The following UNC5A variants were observed in gnomAD, a reference collection of about 807,000 sequenced individuals.
UNC5A encodes the protein netrin receptor UNC5A.
A neutral mutation model predicts 87.4 loss-of-function variants in UNC5A; 20 were observed. The observed-to-expected ratio is 0.23, with a 90% CI of 0.16 to 0.33. The LOEUF (loss-of-function observed/expected upper bound fraction) is 0.33. Among genes scored for constraint, UNC5A ranks in the 10% least tolerant of loss-of-function variants. UNC5A has a pLI of 1.00. For missense variants in UNC5A, 844 were observed against 1,133.4 expected (o/e 0.74, Z 3.67); for synonymous variants, 438 against 482.3 (o/e 0.91, Z 1.20).
In UNC5A at chr5:176,868,955, A is replaced by G. The variant is rs1471682310; in HGVS notation, c.712A>G (p.Ile238Val). Residue 238 changes from isoleucine to valine, a missense_variant, in exon 5 of 15, where the codon ATC becomes GTC. Physicochemically the swap from Ile to Val is conservative, Grantham distance 29 (BLOSUM62 3). This residue lies in a region of UNC5A where 314 missense variants were observed against 466.5 expected (regional missense o/e 0.67). Transcript: ENST00000329542. Reference protein sequence around the residue: ...ARRRSASAAVIVYVDGSWSPW... With the variant: ...ARRRSASAAVVVYVDGSWSPW... The stretch of plus-strand genomic sequence containing the variant: ...TCGCCGCAGCGCCTCCGCTGCTGTC[A>G]TCGTCTACGGTGGGCCCCGGGACTC... 6.2e-6 allele frequency: 10 copies of G among 1,604,104 alleles called. No homozygotes were observed. Among genetic ancestry groups the G allele is most frequent in the African/African-American group, 1.3e-5 (1 of 74,902 alleles).
At chr5:176,840,600 C>T (rs1757252131) in intron 1 of UNC5A, among the ~76,000 whole-genome samples, 1 of 152,200 alleles carries the variant, frequency 6.6e-6, no homozygotes, top group Non-Finnish European at 1.5e-5. Flanking sequence ...TGGCAGAGGG[C>T]TCATGTGAGG....
intron 1 of UNC5A, among the ~76,000 whole-genome samples, chr5:176,843,595 C>T (rs1225750652): frequency 6.6e-6 from 1 of 152,224 alleles, no homozygotes; most frequent in African/African-American, 2.4e-5. Flanking sequence ...AAGAAAAACC[C>T]AGATTTTTGA....
intron 1 of UNC5A, among the ~76,000 whole-genome samples, chr5:176,826,666 A>G (rs1175986105): frequency 9.1e-6 from 1 of 110,024 alleles, no homozygotes; most frequent in Admixed American, 1.3e-4. Context: ...TTTTTGAGAC[A>G]GTCTTGCTCT....
chr5:176,815,707 C>T (rs141185301), intron 1 of UNC5A, among the ~76,000 whole-genome samples: 43 of 152,292 alleles, frequency 2.8e-4, no homozygotes, highest in African/African-American at 5.8e-4. Context: ...CATCAGGGCC[C>T]GAGCCCAGAC....
chr5:176,855,614 C>T (rs1414439784), intron 1 of UNC5A, among the ~76,000 whole-genome samples: 4 of 152,208 alleles, frequency 2.6e-5, no homozygotes, highest in Admixed American at 6.5e-5. Flanking sequence ...AAGACGCCGC[C>T]GGTGTGGAGG....
At chr5:176,854,027 A>G (rs1757607886) in intron 1 of UNC5A, among the ~76,000 whole-genome samples, 1 of 152,180 alleles carries the variant, frequency 6.6e-6, no homozygotes, top group Admixed American at 6.5e-5. Context: ...AAGGCCAGGG[A>G]AGCAGCTGGC....
Position 176,879,174 on chromosome 5 carries a change from G to A in UNC5A, c.2185-136G>A, listed in dbSNP as rs556788649. On this transcript the variant is annotated intron_variant, in intron 13 of 14. Transcript: ENST00000329542. ...CAGTAAGAAGGGCCTTGGCACATGG[G>A]AGGTGCCCAGGAAGTACCAGTGCTC... 778 of 1,071,978 alleles carry A rather than the reference G, an allele frequency of 7.3e-4. 2 individuals carry two copies. The Middle Eastern group carries it at 0.014, about 20-fold the overall frequency. 66.4% of individuals were successfully genotyped at this position (1,071,978 alleles called of 1,614,324 possible). A position where few individuals can be genotyped will look rare whatever the true frequency, so the allele number is the denominator to read the frequency against.
intron 1 of UNC5A, among the ~76,000 whole-genome samples, chr5:176,858,651 T>C (rs910142570): frequency 3.3e-5 from 5 of 149,824 alleles, no homozygotes; most frequent in Admixed American, 2.0e-4. Flanking sequence ...TCCTTTGGAC[T>C]GAGCAGGCAC....
At position 176,873,980 on chromosome 5, in the gene UNC5A, C is replaced by T; in HGVS notation, c.899C>T (p.Pro300Leu). 1 of 1,613,488 alleles carries T rather than the reference C, an allele frequency of 6.2e-7. No individual in the cohort carries two copies. Among genetic ancestry groups the T allele is most frequent in the Non-Finnish European group, 8.5e-7 (1 of 1,179,788 alleles). Residue 300 changes from proline to leucine, a missense_variant, in exon 7 of 15, where the codon CCT becomes CTT. By Grantham distance (98) the Pro-to-Leu change is moderately conservative. Coordinates refer to ENST00000329542, the MANE Select transcript of UNC5A (RefSeq NM_133369.3). ...SDLCVHTASG[P>L]EDVALYVGLI... ...CTGTCTCCCGCAGCTGCTTCTGGCCCTGAGGACGTGGCCCTCTATGTGGGC... is the reference window on the plus strand; with the variant it reads ...CTGTCTCCCGCAGCTGCTTCTGGCCTTGAGGACGTGGCCCTCTATGTGGGC...
chr5:176,865,862 AG>A lies in UNC5A; in HGVS notation c.293-2265del, dbSNP rs1323495600. 1 of 353,318 alleles carries A rather than the reference AG, an allele frequency of 2.8e-6. No homozygotes were observed. The highest frequency in any genetic ancestry group is 2.1e-5 in the South Asian group (1 of 47,822). The allele number at this position is 353,318 out of a possible 1,614,324, so 21.9% of individuals were successfully genotyped here. A position where few individuals can be genotyped will look rare whatever the true frequency, so the allele number is the denominator to read the frequency against. ...TTCCTCACCCAGAAGGCCAGGGGGC[AG>A]GGACCAAGGCCTGAAGTGCTGGAAC... is the stretch of plus-strand genomic sequence containing the variant. On this transcript the variant is annotated intron_variant, in intron 2 of 14. Transcript: ENST00000329542. This position sits in a 1 kb window ranked among gnomAD's most constrained non-coding sequence, Gnocchi z 5.3.
At chr5:176,878,742 C>G (rs1252015643) in intron 13 of UNC5A, 103 bp downstream of exon 13, 1 of 1,447,574 alleles carries the variant, frequency 6.9e-7, no homozygotes, top group Non-Finnish European at 9.3e-7. Flanking sequence ...ACCCACTCTC[C>G]CTCCCGCCTG....
intron 9 of UNC5A, 54 bp from the exon 10 acceptor site, chr5:176,877,481 C>T: frequency 6.5e-7 from 1 of 1,542,930 alleles, no homozygotes; most frequent in South Asian, 1.2e-5. Flanking sequence ...GCCCTCAGGA[C>T]CCAGGATGGG....
rs1164959107 is a variant in UNC5A, at chr5:176,824,814, C to T, written c.70+13994C>T. Among the ~76,000 whole-genome samples the T allele has an allele frequency of 6.6e-6, 1 of 150,484 alleles. No individual in the cohort carries two copies. On this transcript the variant is annotated intron_variant, in intron 1 of 14. Coordinates refer to ENST00000329542, the MANE Select transcript of UNC5A (RefSeq NM_133369.3). This position sits in a 1 kb window ranked among gnomAD's most constrained non-coding sequence, Gnocchi z 4.2. ...GCCCCCTGCTCTGTGTACCCCCTAC[C>T]TTGTGTACTCTCTGTCCCAGGCACT...
At chr5:176,812,004 C>T (rs1476596819) in intron 1 of UNC5A, among the ~76,000 whole-genome samples, 2 of 152,088 alleles carry the variant, frequency 1.3e-5, no homozygotes, top group South Asian at 2.1e-4. Flanking sequence ...CGCAGCGCAT[C>T]CTGCACCCAC....
At chr5:176,826,547 CAT>C (rs1409777790) in intron 1 of UNC5A, among the ~76,000 whole-genome samples, 1 of 151,280 alleles carries the variant, frequency 6.6e-6, no homozygotes, top group South Asian at 2.1e-4. Context: ...ATTCACGTAA[CAT>C]AAAATTAACC....
At position 176,868,357 on chromosome 5, in the gene UNC5A, G is replaced by T; in HGVS notation, c.436+84G>T. The T allele has an allele frequency of 1.9e-6, 3 of 1,587,218 alleles. No homozygotes were observed. In the Middle Eastern group the frequency reaches 5.7e-4, roughly 301 times the overall value. On this transcript the variant is annotated intron_variant, in intron 3 of 14. Transcript: ENST00000329542. The stretch of plus-strand genomic sequence containing the variant: ...GGGGACAGTAGGCTTCCTGGAAGAG[G>T]CGGTCCGGTCAGAAAACCTCACAGC...
In UNC5A at chr5:176,858,778, A is replaced by AGGCAG. The variant is rs1561659057; in HGVS notation, c.71-3845_71-3844insGCAGG. Among the ~76,000 whole-genome samples the AGGCAG allele has an allele frequency of 5.0e-3, 184 of 36,478 alleles. 1 individual carries two copies. The highest frequency in any genetic ancestry group is 0.013 in the African/African-American group (159 of 12,270). The allele number at this position is 36,478 out of a possible 152,430, so 23.9% of individuals were successfully genotyped here. On this transcript the variant is annotated intron_variant, in intron 1 of 14. Transcript: ENST00000329542. ...AGGAAGGAAGGAAGGAAGGAAGGCAAGCAAGCAGGCAGGGAGGGAGGGAGG... is the reference window on the plus strand; with the variant it reads ...AGGAAGGAAGGAAGGAAGGAAGGCAAGGCAGGCAAGCAGGCAGGGAGGGAGGGAGG...
At chr5:176,840,611 G>T in intron 1 of UNC5A, among the ~76,000 whole-genome samples, 1 of 152,300 alleles carries the variant, frequency 6.6e-6, no homozygotes, top group East Asian at 1.9e-4. Flanking sequence ...TCATGTGAGG[G>T]CCGGGGACCC....
intron 1 of UNC5A, among the ~76,000 whole-genome samples, chr5:176,855,566 G>A (rs1040894803): frequency 6.6e-6 from 1 of 152,224 alleles, no homozygotes; most frequent in East Asian, 1.9e-4. Flanking sequence ...CAGAAACTGG[G>A]ACAGAACACG....
Sources: allele counts gnomAD v4.1 joint callset (sites outside exome capture counted in the v4.1 genomes callset), GRCh38; gene constraint gnomAD v4.1.1; regional missense constraint gnomAD v4.1.1; non-coding constraint Gnocchi (gnomAD v3.1); transcripts MANE v1.5; gene names NCBI Gene and HGNC (gene_info 2026-07-23, HGNC 2026-07-21).